DOCK2: variants seen among roughly 807,000 people sequenced by gnomAD.
DOCK2 encodes dedicator of cytokinesis 2.
In DOCK2, 87 loss-of-function variants were observed where a neutral mutation model predicts 248.9. The observed-to-expected ratio is 0.35, with a 90% CI of 0.29 to 0.42. The LOEUF (loss-of-function observed/expected upper bound fraction) is 0.42. Ranked by LOEUF, DOCK2 falls within the 10% of genes least tolerant of loss-of-function variation. The probability of loss-of-function intolerance (pLI) is 1.00; values close to 1 mark genes in which losing one functional copy is unlikely to be tolerated. For missense variants in DOCK2, 1,747 were observed against 2,300.2 expected, an observed-to-expected ratio of 0.76 and a Z score of 4.92; for synonymous variants, 805 against 821.6, an observed-to-expected ratio of 0.98 and a Z score of 0.35.
intron 27 of DOCK2, among the ~76,000 whole-genome samples, chr5:169,902,964 G>GCT: frequency 6.6e-6 from 1 of 152,056 alleles, no homozygotes; most frequent in Non-Finnish European, 1.5e-5. Context: ...TGGGTGTGGT[G>GCT]GCACATGCCT....
At chr5:169,980,941 G>A (rs572658846) in intron 27 of DOCK2, among the ~76,000 whole-genome samples, 30 of 152,242 alleles carry the variant, frequency 2.0e-4, no homozygotes, top group African/African-American at 4.3e-4. Context: ...GATCTCCGCC[G>A]GATTTGCATG....
At chr5:170,037,424 T>C (rs1031075715) in intron 36 of DOCK2, among the ~76,000 whole-genome samples, 2 of 151,892 alleles carry the variant, frequency 1.3e-5, no homozygotes, top group Non-Finnish European at 2.9e-5. Context: ...CAATCCTATA[T>C]TGTTGAACAT....
Position 169,695,831 on chromosome 5 carries a change from A to T in DOCK2, c.872A>T (p.Asp291Val). The change falls in exon 10 of 52, where the codon GAT (aspartate) becomes GTT (valine). Residue 291 changes from aspartate (D) to valine (V), a missense_variant. This residue lies in a region of DOCK2 where 375 missense variants were observed against 510.9 expected (regional missense o/e 0.73). Coordinates refer to ENST00000520908, the MANE Select transcript of DOCK2 (RefSeq NM_004946.3). ...TDLGNKDLNRDKIYLICQIVR... is the reference protein window; with the variant it reads ...TDLGNKDLNRVKIYLICQIVR... ...CTTGGAAACAAAGACCTCAACAGGG[A>T]TAAAATTTACTTGATTTGTCAAATA... 6.2e-7 allele frequency: 1 copy of T among 1,613,956 alleles called. No individual in the cohort carries two copies. The highest frequency in any genetic ancestry group is 2.2e-5 in the East Asian group (1 of 44,866).
intron 22 of DOCK2, among the ~76,000 whole-genome samples, chr5:169,720,768 C>T (rs1485528678): frequency 6.6e-6 from 1 of 152,150 alleles, no homozygotes; most frequent in Non-Finnish European, 1.5e-5. Flanking sequence ...AGCAATGGCG[C>T]AATCACGGCT....
At chr5:169,813,772 T>A (rs1767897693) in intron 26 of DOCK2, among the ~76,000 whole-genome samples, 3 of 152,180 alleles carry the variant, frequency 2.0e-5, no homozygotes, top group African/African-American at 7.2e-5. Context: ...CCTAATAGCA[T>A]TGAGAATGTC....
chr5:169,748,138 A>G (rs1763712395), intron 23 of DOCK2, among the ~76,000 whole-genome samples: 1 of 151,250 alleles, frequency 6.6e-6, no homozygotes, highest in Admixed American at 6.6e-5. Flanking sequence ...ACATTTATCT[A>G]AATCAATGAG....
intron 41 of DOCK2, among the ~76,000 whole-genome samples, chr5:170,053,945 C>T (rs555568218): frequency 1.3e-5 from 2 of 152,222 alleles, no homozygotes; most frequent in Admixed American, 6.5e-5. Context: ...GATGAGGAAG[C>T]CTACAAGGAG....
At position 170,027,899 on chromosome 5, in the gene DOCK2, G is replaced by T; in HGVS notation, c.3418G>T (p.Val1140Leu). ...NEIILKLDHE[V>L]EGGRGDEQYM... Reference sequence around the variant, plus strand: ...AATCATCCTGAAGCTGGACCACGAGGTAGAAGGGGGCCGAGGCGACGAGCA... The same window carrying T: ...AATCATCCTGAAGCTGGACCACGAGTTAGAAGGGGGCCGAGGCGACGAGCA... Residue 1140 changes from valine (V) to leucine (L), a missense_variant, in exon 34 of 52, where the codon GTA becomes TTA. Val to Leu is a conservative substitution (Grantham distance 32). This residue lies in a region of DOCK2 where 858 missense variants were observed against 1,183.5 expected (regional missense o/e 0.72). Transcript: ENST00000520908. 1 of 1,613,402 alleles carries T rather than the reference G, an allele frequency of 6.2e-7. No homozygotes were observed.
chr5:169,773,134 C>T (rs927008467), intron 25 of DOCK2: 2 of 152,196 alleles, frequency 1.3e-5, no homozygotes, highest in African/African-American at 4.8e-5. Flanking sequence ...CAAATCCTCT[C>T]TTCCTGTTCT....
At chr5:169,687,835 G>C (rs1181891178) in intron 8 of DOCK2, among the ~76,000 whole-genome samples, 2 of 152,138 alleles carry the variant, frequency 1.3e-5, no homozygotes, top group Non-Finnish European at 2.9e-5. Flanking sequence ...TCATCATCAA[G>C]GCAAAAATCC....
intron 4 of DOCK2, among the ~76,000 whole-genome samples, 173 bp from the exon 5 acceptor site, chr5:169,670,905 C>T (rs919330329): frequency 6.6e-6 from 1 of 152,164 alleles, no homozygotes; most frequent in Non-Finnish European, 1.5e-5. Flanking sequence ...GAGGACATAA[C>T]AAAGCAAGTC....
At chr5:170,020,680 C>T (rs1345568856) in intron 33 of DOCK2, among the ~76,000 whole-genome samples, 1 of 152,230 alleles carries the variant, frequency 6.6e-6, no homozygotes, top group Non-Finnish European at 1.5e-5. Context: ...ACAAAGGCTG[C>T]AGCAAGCAGG....
At chr5:169,641,969 G>T (rs1313023292) in intron 1 of DOCK2, among the ~76,000 whole-genome samples, 1 of 152,170 alleles carries the variant, frequency 6.6e-6, no homozygotes, top group African/African-American at 2.4e-5. Context: ...GCCTCACTCT[G>T]GTGAGGGTGC....
chr5:169,709,028 G>A (rs1191661114), intron 15 of DOCK2, among the ~76,000 whole-genome samples: 1 of 152,350 alleles, frequency 6.6e-6, no homozygotes, highest in East Asian at 1.9e-4. Flanking sequence ...TAAAATGGGA[G>A]CAATAGGTTG....
chr5:169,686,404 G>T (rs2113381004), intron 8 of DOCK2, among the ~76,000 whole-genome samples: 1 of 152,340 alleles, frequency 6.6e-6, no homozygotes, highest in African/African-American at 2.4e-5. Context: ...GGCAGGCCAT[G>T]CTCAATGGGG....
rs1049597235 is a variant in DOCK2, at chr5:169,829,989, A to G, written c.2704-10768A>G. On this transcript the variant is annotated intron_variant, in intron 26 of 51. Coordinates refer to ENST00000520908, the MANE Select transcript of DOCK2 (RefSeq NM_004946.3). ...TGCTATCTCCTATTCTATTGTGTGG[A>G]TAAGCCATCATTTATATAATAGGAT... Among the ~76,000 whole-genome samples, 4 of 152,328 alleles carry G rather than the reference A, an allele frequency of 2.6e-5. No homozygotes were observed. The South Asian group carries it at 8.3e-4, about 32-fold the overall frequency.
At chr5:169,881,070 C>G (rs949552803) in intron 27 of DOCK2, among the ~76,000 whole-genome samples, 2 of 152,066 alleles carry the variant, frequency 1.3e-5, no homozygotes, top group African/African-American at 4.8e-5. Flanking sequence ...TGAGCGAGAC[C>G]GAATGCCTTA....
At chr5:169,773,317 A>T (rs539990668) in intron 25 of DOCK2, 3 of 152,226 alleles carry the variant, frequency 2.0e-5, no homozygotes, top group African/African-American at 7.2e-5. Context: ...AAGGAAAAAA[A>T]TCTGTCTTAA....
intron 27 of DOCK2, among the ~76,000 whole-genome samples, chr5:169,907,630 C>T (rs1774357294): frequency 6.6e-6 from 1 of 152,206 alleles, no homozygotes; most frequent in Admixed American, 6.5e-5. Context: ...CTCTGTTCTA[C>T]ACACAAGAAA....
Sources: allele counts gnomAD v4.1 joint callset (sites outside exome capture counted in the v4.1 genomes callset), GRCh38; gene constraint gnomAD v4.1.1; regional missense constraint gnomAD v4.1.1; transcripts MANE v1.5; gene names NCBI Gene and HGNC (gene_info 2026-07-23, HGNC 2026-07-21).